Variants in PNPT1 observed in about 807,000 individuals in gnomAD.
PNPT1 encodes the protein polyribonucleotide nucleotidyltransferase 1, also known as polyribonucleotide nucleotidyltransferase 1, mitochondrial.
In PNPT1, 53 loss-of-function variants were observed where a neutral mutation model predicts 119.5. The ratio of observed to expected loss-of-function variants is 0.44; its 90% CI spans 0.36 to 0.56. The LOEUF is 0.56. PNPT1 is among the 20% of genes least tolerant of loss of function. The pLI, the probability that PNPT1 is intolerant of heterozygous loss-of-function variation, is 0.00. For missense variants in PNPT1, 948 were observed against 938.5 expected (o/e 1.01, Z -0.13); for synonymous variants, 357 against 322.1 (o/e 1.11, Z -1.16).
intron 22 of PNPT1, 71 bp from the exon 23 acceptor site, chr2:55,644,791 C>A: frequency 4.6e-6 from 5 of 1,076,202 alleles, no homozygotes; most frequent in South Asian, 1.9e-5. Flanking sequence ...GCCATGGTCA[C>A]TTGAGATTTT....
intron 13 of PNPT1, among the ~76,000 whole-genome samples, chr2:55,664,060 T>C (rs763915491): frequency 2.6e-5 from 4 of 152,106 alleles, no homozygotes; most frequent in Non-Finnish European, 5.9e-5. Context: ...ACTGGATCCA[T>C]ACTTGGATCT....
At chr2:55,675,388 C>T (rs1219599627) in intron 8 of PNPT1, among the ~76,000 whole-genome samples, 1 of 151,624 alleles carries the variant, frequency 6.6e-6, no homozygotes, top group African/African-American at 2.4e-5. Context: ...AGGAGATTAG[C>T]CTGGGCAATA....
chr2:55,651,078 G>A (rs1237660976), intron 18 of PNPT1, among the ~76,000 whole-genome samples: 2 of 143,526 alleles, frequency 1.4e-5, no homozygotes, highest in Non-Finnish European at 1.5e-5. Flanking sequence ...AGGTGGGGGG[G>A]TCAGCCCCCC....
Position 55,691,878 on chromosome 2 carries a change from A to AT in PNPT1, c.161+1784dup, listed in dbSNP as rs1227966046. On this transcript the variant is annotated intron_variant, in intron 1 of 27. Transcript: ENST00000447944. Reference sequence around the variant, plus strand: ...TATATATATATATATATATATATATATTTTTTTTTTTTTTTTTTTTTTTTG... The same window carrying AT: ...TATATATATATATATATATATATATATTTTTTTTTTTTTTTTTTTTTTTTTG... 2.7e-3 allele frequency among the ~76,000 whole-genome samples: 90 copies of AT among 33,106 alleles called. 5 individuals carry two copies. The East Asian group carries it at 0.054, about 20-fold the overall frequency. The allele number at this position is 33,106 out of a possible 152,430, so 21.7% of individuals were successfully genotyped here.
intron 11 of PNPT1, among the ~76,000 whole-genome samples, chr2:55,669,072 C>G (rs1310099009): frequency 6.6e-6 from 1 of 152,096 alleles, no homozygotes; most frequent in East Asian, 1.9e-4. Context: ...ATGCTTTTAA[C>G]TTTCATAATA....
In PNPT1 at chr2:55,672,967, T is replaced by G; in HGVS notation, c.792A>C (p.Lys264Asn). The change falls in exon 9 of 28, where the codon AAA (lysine) becomes AAC (asparagine). Residue 264 changes from lysine to asparagine, a missense_variant. Transcript: ENST00000447944. ...QIIQGIQQLV[K>N]ETGVTKRTPQ... ...GTGTCCTCTTGGTAACACCAGTTTC[T>G]TTTACCAACTGCTGAATGCCCTGAA... is the stretch of plus-strand genomic sequence containing the variant. 6.2e-7 allele frequency: 1 copy of G among 1,613,686 alleles called. No individual in the cohort carries two copies. Among genetic ancestry groups the G allele is most frequent in the Non-Finnish European group, 8.5e-7 (1 of 1,179,906 alleles).
intron 1 of PNPT1, among the ~76,000 whole-genome samples, 162 bp from the exon 2 acceptor site, chr2:55,687,867 G>C (rs1201447913): frequency 6.6e-6 from 1 of 152,234 alleles, no homozygotes; most frequent in African/African-American, 2.4e-5. Flanking sequence ...AAAAGTAAAA[G>C]TGGAATTTAA....
chr2:55,677,140 G>A (rs1697097598), intron 8 of PNPT1, among the ~76,000 whole-genome samples: 1 of 152,132 alleles, frequency 6.6e-6, no homozygotes, highest in Non-Finnish European at 1.5e-5. Context: ...CCCCTTACAG[G>A]TTGGTTCTGA....
intron 1 of PNPT1, among the ~76,000 whole-genome samples, chr2:55,689,592 G>C (rs902813002): frequency 2.0e-5 from 3 of 152,190 alleles, no homozygotes; most frequent in African/African-American, 7.2e-5. Context: ...TATGTTAAGT[G>C]AAAGAAGACA....
At chr2:55,666,962 A>T in intron 13 of PNPT1, 29 bp downstream of exon 13, 3 of 1,437,958 alleles carry the variant, frequency 2.1e-6, no homozygotes, top group Non-Finnish European at 2.8e-6. Flanking sequence ...TTAATTTAGC[A>T]AATAATTAGA....
At chr2:55,691,693 T>A (rs1438327637) in intron 1 of PNPT1, among the ~76,000 whole-genome samples, 1 of 151,880 alleles carries the variant, frequency 6.6e-6, no homozygotes, top group Non-Finnish European at 1.5e-5. Flanking sequence ...TTGAAGCATG[T>A]GTAGTCCTTG....
At chr2:55,670,296 C>G (rs1272098036) in intron 11 of PNPT1, among the ~76,000 whole-genome samples, 1 of 152,080 alleles carries the variant, frequency 6.6e-6, no homozygotes, top group East Asian at 1.9e-4. Context: ...ACGCCATTCT[C>G]CTGCCTCAGC....
chr2:55,677,518 T>C (rs902876911), intron 8 of PNPT1, among the ~76,000 whole-genome samples: 16 of 129,940 alleles, frequency 1.2e-4, no homozygotes, highest in Non-Finnish European at 1.5e-5. Flanking sequence ...CACTTGAACC[T>C]GGGAGGCGGA....
chr2:55,654,443 A>G (rs1391665619), intron 18 of PNPT1, among the ~76,000 whole-genome samples: 1 of 152,192 alleles, frequency 6.6e-6, no homozygotes, highest in Non-Finnish European at 1.5e-5. Flanking sequence ...ATGATTCCTA[A>G]TAGTACTTAC....
chr2:55,670,247 C>T (rs181553964), intron 11 of PNPT1, among the ~76,000 whole-genome samples: 47 of 151,936 alleles, frequency 3.1e-4, no homozygotes, highest in African/African-American at 1.1e-3. Context: ...AGTGCAGTGG[C>T]GCGATCTCGA....
intron 23 of PNPT1, among the ~76,000 whole-genome samples, chr2:55,643,674 A>G (rs1695906534): frequency 6.6e-6 from 1 of 152,106 alleles, no homozygotes; most frequent in Admixed American, 6.6e-5. Flanking sequence ...CCAGGGGTCA[A>G]GGCTGGAGTT....
intron 18 of PNPT1, among the ~76,000 whole-genome samples, chr2:55,651,768 C>G (rs1182091425): frequency 9.9e-6 from 1 of 101,276 alleles, no homozygotes; most frequent in African/African-American, 3.6e-5. Flanking sequence ...CAAGAATGAT[C>G]AATTTAAAAA....
At position 55,636,073 on chromosome 2, in the gene PNPT1, G is replaced by A. The variant is rs1457766935; in HGVS notation, c.*164C>T. 1.5e-5 allele frequency: 6 copies of A among 398,912 alleles called. No individual in the cohort carries two copies. Among genetic ancestry groups the A allele is most frequent in the Admixed American group, 4.4e-5 (1 of 22,828 alleles). The allele number at this position is 398,912 out of a possible 1,614,324, so 24.7% of individuals were successfully genotyped here. A position where few individuals can be genotyped will look rare whatever the true frequency, so the allele number is the denominator to read the frequency against. ...ACAATTAAACAAATATGGGTTACTC[G>A]AATTAAAAAAATGGCACATGTAAAT... is the stretch of plus-strand genomic sequence containing the variant. On this transcript the variant is annotated 3_prime_UTR_variant, in exon 28 of 28. Coordinates refer to ENST00000447944, the MANE Select transcript of PNPT1 (RefSeq NM_033109.5).
At chr2:55,640,562 G>C in intron 26 of PNPT1, 65 bp downstream of exon 26, 1 of 1,314,396 alleles carries the variant, frequency 7.6e-7, no homozygotes, top group Non-Finnish European at 1.1e-6. Context: ...TACCAACCTA[G>C]GTAATTTCAA....
Sources: allele counts gnomAD v4.1 joint callset (sites outside exome capture counted in the v4.1 genomes callset), GRCh38; gene constraint gnomAD v4.1.1; transcripts MANE v1.5; gene names NCBI Gene and HGNC (gene_info 2026-07-23, HGNC 2026-07-21).